Variants in UNC13B observed in about 807,000 individuals in gnomAD.
UNC13B encodes the protein unc-13 homolog B.
UNC13B carries 144 observed loss-of-function variants against 211.0 expected under a neutral mutation model. The ratio of observed to expected loss-of-function variants is 0.68; its 90% confidence interval spans 0.60 to 0.78. The LOEUF (loss-of-function observed/expected upper bound fraction) is 0.78. Ranked by LOEUF, UNC13B falls within the 30% of genes least tolerant of loss-of-function variation. The probability of loss-of-function intolerance (pLI) is 0.00; values close to 1 mark genes in which losing one functional copy is unlikely to be tolerated. For synonymous variants in UNC13B, 709 were observed against 725.8 expected, an observed-to-expected ratio of 0.98 and a Z score of 0.37; for missense variants, 1,777 against 2,002.0, an observed-to-expected ratio of 0.89 and a Z score of 2.14.
At chr9:35,181,037 A>C (rs146518458) in intron 1 of UNC13B, among the ~76,000 whole-genome samples, 202 of 152,222 alleles carry the variant, frequency 1.3e-3, no homozygotes, top group African/African-American at 4.6e-3. Context: ...AGTGAAGGCT[A>C]CACTGAGGCT....
At chr9:35,243,544 A>G (rs189857217) in intron 6 of UNC13B, among the ~76,000 whole-genome samples, 180 bp downstream of exon 6, 1 of 152,194 alleles carries the variant, frequency 6.6e-6, no homozygotes, top group Non-Finnish European at 1.5e-5. Context: ...TCCATCTCCA[A>G]TTTATTCTGT....
intron 6 of UNC13B, among the ~76,000 whole-genome samples, chr9:35,248,691 T>A (rs1203157752): frequency 2.0e-5 from 3 of 152,208 alleles, no homozygotes; most frequent in African/African-American, 7.2e-5. Context: ...ACTCCTGAGT[T>A]CTAGTTTGAT....
intron 10 of UNC13B, among the ~76,000 whole-genome samples, chr9:35,311,413 G>T (rs1354435079): frequency 6.6e-6 from 1 of 152,224 alleles, no homozygotes; most frequent in Non-Finnish European, 1.5e-5. Flanking sequence ...ATCCACTGGG[G>T]CTGTGGTAGG....
chr9:35,392,385 G>C (rs1372546105), intron 26 of UNC13B, among the ~76,000 whole-genome samples: 2 of 152,100 alleles, frequency 1.3e-5, no homozygotes, highest in Non-Finnish European at 2.9e-5. Flanking sequence ...AGGGATAGAG[G>C]GTGCTGGGAT....
At chr9:35,353,714 A>C in intron 11 of UNC13B, 3 of 1,232,170 alleles carry the variant, frequency 2.4e-6, no homozygotes, top group Non-Finnish European at 3.0e-6. Context: ...CAACAATTTT[A>C]AGAATGTTCT....
chr9:35,376,010 G>T lies in UNC13B; in HGVS notation c.9616-18G>T, dbSNP rs1353913900. 1.2e-6 allele frequency: 2 copies of T among 1,612,736 alleles called. No homozygotes were observed. The highest frequency in any genetic ancestry group is 4.5e-5 in the East Asian group (2 of 44,878). On this transcript the variant is annotated intron_variant, in intron 14 of 39. Coordinates refer to ENST00000635942, the MANE Select transcript of UNC13B (RefSeq NM_001371189.2). The stretch of plus-strand genomic sequence containing the variant: ...AAACAAAAAACAAAAATCATGGGAT[G>T]GGGTATGTGTCTTTCAGAAATCCCA...
Position 35,304,436 on chromosome 9 carries a change from G to C in UNC13B, c.5032G>C (p.Asp1678His), listed in dbSNP as rs1011452189. ...TTCTGAAGACGCTGAATGTACATTA[G>C]ATCTCAGAAATCAGCCCCAAACTAT... ...CGSEDAECTLDLRNQPQTISN... is the reference protein window; with the variant it reads ...CGSEDAECTLHLRNQPQTISN... Residue 1678 changes from aspartate to histidine, a missense_variant, in exon 9 of 40, where the codon GAT becomes CAT. By Grantham distance (81) the Asp-to-His change is moderately conservative. Transcript: ENST00000635942. 2.5e-6 allele frequency: 1 copy of C among 398,520 alleles called. No homozygotes were observed. The highest frequency in any genetic ancestry group is 2.1e-5 in the African/African-American group (1 of 48,564). 24.7% of individuals were successfully genotyped at this position (398,520 alleles called of 1,614,324 possible). A position where few individuals can be genotyped will look rare whatever the true frequency, so the allele number is the denominator to read the frequency against.
chr9:35,262,607 C>T (rs1339272778), intron 7 of UNC13B, among the ~76,000 whole-genome samples: 1 of 151,970 alleles, frequency 6.6e-6, no homozygotes, highest in African/African-American at 2.4e-5. Context: ...CATGAACCAC[C>T]GCACTTGGCC....
At position 35,359,692 on chromosome 9, in the gene UNC13B, G is replaced by A. The variant is rs1049330803; in HGVS notation, c.9415-7255G>A. ...CTCTCTCACAACCTGTATTCAGTCC[G>A]TTAGTAAATTCCACTTCCTCCACTT... On this transcript the variant is annotated intron_variant, in intron 11 of 39. Coordinates refer to ENST00000635942, the MANE Select transcript of UNC13B (RefSeq NM_001371189.2). Among the ~76,000 whole-genome samples, 11 of 152,066 alleles carry A rather than the reference G, an allele frequency of 7.2e-5. No homozygotes were observed. The South Asian group carries it at 1.7e-3, about 23-fold the overall frequency.
chr9:35,384,981 T>C lies in UNC13B; in HGVS notation c.10875+667T>C, dbSNP rs1033154578. On this transcript the variant is annotated intron_variant, in intron 22 of 39. Coordinates refer to ENST00000635942, the MANE Select transcript of UNC13B (RefSeq NM_001371189.2). Reference sequence around the variant, plus strand: ...AAACAACCTTAAAGTCAAAAAGAAATGAGGTTTTAATTGTCTGCACTCAAG... The same window carrying C: ...AAACAACCTTAAAGTCAAAAAGAAACGAGGTTTTAATTGTCTGCACTCAAG... The C allele has an allele frequency of 1.8e-5, 17 of 942,186 alleles. No individual in the cohort carries two copies. In the South Asian group the frequency reaches 8.3e-4, roughly 46 times the overall value. The allele number at this position is 942,186 out of a possible 1,614,324, so 58.4% of individuals were successfully genotyped here. A position where few individuals can be genotyped will look rare whatever the true frequency, so the allele number is the denominator to read the frequency against.
intron 11 of UNC13B, among the ~76,000 whole-genome samples, chr9:35,323,500 A>G (rs1284854867): frequency 6.6e-6 from 1 of 152,180 alleles, no homozygotes. Context: ...AGCCCTACCC[A>G]AGAACAGGCC....
intron 1 of UNC13B, among the ~76,000 whole-genome samples, chr9:35,220,485 T>C (rs902124408): frequency 1.3e-5 from 2 of 151,958 alleles, no homozygotes; most frequent in African/African-American, 4.8e-5. Context: ...TTCCATGAGT[T>C]CAATTGTTTT....
chr9:35,201,469 C>CT (rs1488337807), intron 1 of UNC13B, among the ~76,000 whole-genome samples: 4 of 152,080 alleles, frequency 2.6e-5, no homozygotes, highest in Non-Finnish European at 5.9e-5. Context: ...TGGTCCTGGA[C>CT]TTTTTTTGGT....
intron 14 of UNC13B, among the ~76,000 whole-genome samples, chr9:35,375,535 CCAGAAG>C (rs1365999181): frequency 6.6e-6 from 1 of 152,170 alleles, no homozygotes; most frequent in Non-Finnish European, 1.5e-5. Context: ...TGTTGGACAA[CCAGAAG>C]CACACTATAT....
rs1323936915 is a variant in UNC13B at position 35,351,067 on chromosome 9, C to T, written c.9415-15880C>T. Among the ~76,000 whole-genome samples, 4 of 152,164 alleles carry T rather than the reference C, an allele frequency of 2.6e-5. No individual in the cohort carries two copies. The East Asian group carries it at 7.7e-4, about 29-fold the overall frequency. ...CAATATCGTTGACTTTGGGTACTTG[C>T]CCAGAACACAAGGACTTTATTTTAA... is the stretch of plus-strand genomic sequence containing the variant. On this transcript the variant is annotated intron_variant, in intron 11 of 39. Coordinates refer to ENST00000635942, the MANE Select transcript of UNC13B (RefSeq NM_001371189.2).
intron 1 of UNC13B, among the ~76,000 whole-genome samples, chr9:35,211,173 A>T (rs1823946489): frequency 6.6e-6 from 1 of 152,376 alleles, no homozygotes; most frequent in South Asian, 2.1e-4. Flanking sequence ...AGAATAAAGA[A>T]TATACGGTGA....
chr9:35,339,939 C>A (rs1831886260), intron 11 of UNC13B, among the ~76,000 whole-genome samples: 2 of 152,230 alleles, frequency 1.3e-5, no homozygotes, highest in African/African-American at 4.8e-5. Context: ...GTTTGAGCTT[C>A]TCCTTAGCCT....
chr9:35,265,009 G>A (rs144498865), intron 7 of UNC13B, among the ~76,000 whole-genome samples: 118 of 152,268 alleles, frequency 7.7e-4, no homozygotes, highest in Non-Finnish European at 6.9e-4. Context: ...AAGATCACTC[G>A]TCTTATTTAG....
intron 7 of UNC13B, among the ~76,000 whole-genome samples, chr9:35,260,179 C>T (rs1827195395): frequency 6.6e-6 from 1 of 150,876 alleles, no homozygotes; most frequent in South Asian, 2.1e-4. Context: ...CACTGCACTG[C>T]AGCCTGGGCA....
Sources: allele counts gnomAD v4.1 joint callset (sites outside exome capture counted in the v4.1 genomes callset), GRCh38; gene constraint gnomAD v4.1.1; transcripts MANE v1.5; gene names NCBI Gene and HGNC (gene_info 2026-07-23, HGNC 2026-07-21).